CNTNAP2: variants seen among roughly 807,000 people sequenced by gnomAD.
The protein encoded by CNTNAP2 is contactin-associated protein-like 2.
A neutral mutation model predicts 155.2 loss-of-function variants in CNTNAP2; 98 were observed. The ratio of observed to expected loss-of-function variants is 0.63; its 90% CI spans 0.54 to 0.75. The LOEUF is 0.75. Ranked by LOEUF, CNTNAP2 falls within the 30% of genes least tolerant of loss-of-function variation. The pLI is 0.00. For synonymous variants in CNTNAP2, 651 were observed against 631.2 expected, an observed-to-expected ratio of 1.03 and a Z score of -0.47; for missense variants, 1,727 against 1,688.1, an observed-to-expected ratio of 1.02 and a Z score of -0.40.
intron 12 of CNTNAP2, among the ~76,000 whole-genome samples, chr7:147,569,203 A>G (rs1800234531): frequency 6.6e-6 from 1 of 152,188 alleles, no homozygotes; most frequent in African/African-American, 2.4e-5. Context: ...GAGAGCTTGT[A>G]ACGGAAGTTT....
intron 8 of CNTNAP2, among the ~76,000 whole-genome samples, chr7:147,143,593 A>G (rs1801643440): frequency 6.6e-6 from 1 of 152,134 alleles, no homozygotes. Flanking sequence ...TACTGATACC[A>G]AGATGTTATA....
intron 1 of CNTNAP2, among the ~76,000 whole-genome samples, chr7:146,621,039 A>G (rs545265954): frequency 6.6e-6 from 1 of 152,240 alleles, no homozygotes; most frequent in South Asian, 2.1e-4. Flanking sequence ...TTGAACCGGG[A>G]CATATCCATA....
At chr7:146,651,042 A>G (rs139644732) in intron 1 of CNTNAP2, among the ~76,000 whole-genome samples, 154 of 152,138 alleles carry the variant, frequency 1.0e-3, no homozygotes, top group African/African-American at 3.6e-3. Context: ...TTAAAGAACA[A>G]CTAGATTCTC....
In CNTNAP2 at chr7:148,261,887, T is replaced by A. The variant is rs1796569907; in HGVS notation, c.3382-5146T>A. Among the ~76,000 whole-genome samples the A allele has an allele frequency of 2.0e-5, 3 of 152,142 alleles. No homozygotes were observed. The South Asian group carries it at 6.2e-4, about 31-fold the overall frequency. ...CCCCTCCTCGAGCCTGTGCTGGAAA[T>A]TGCAGTAAGCCCCTTCCTCTTGCAG... On this transcript the variant is annotated intron_variant, in intron 20 of 23. Transcript: ENST00000361727.
chr7:147,800,038 A>C (rs184040263), intron 13 of CNTNAP2, among the ~76,000 whole-genome samples: 1 of 152,338 alleles, frequency 6.6e-6, no homozygotes, highest in Admixed American at 6.5e-5. Context: ...TCTTCACACA[A>C]TAAATATATA....
At chr7:147,172,842 A>G (rs1469182084) in intron 8 of CNTNAP2, among the ~76,000 whole-genome samples, 1 of 152,180 alleles carries the variant, frequency 6.6e-6, no homozygotes, top group Non-Finnish European at 1.5e-5. Flanking sequence ...CCTAGTCTTG[A>G]CTACAAGGGC....
At chr7:147,830,857 A>C (rs777799972) in intron 13 of CNTNAP2, among the ~76,000 whole-genome samples, 1 of 152,234 alleles carries the variant, frequency 6.6e-6, no homozygotes, top group African/African-American at 2.4e-5. Context: ...GGTTATGAGT[A>C]AGCATGGTGA....
At chr7:148,382,279 AC>A (rs1799082057) in intron 21 of CNTNAP2, among the ~76,000 whole-genome samples, 1 of 152,118 alleles carries the variant, frequency 6.6e-6, no homozygotes, top group African/African-American at 2.4e-5. Context: ...CACCATCGGA[AC>A]CCCGTGCCCC....
chr7:146,445,676 C>G (rs1391656971), intron 1 of CNTNAP2, among the ~76,000 whole-genome samples: 1 of 152,110 alleles, frequency 6.6e-6, no homozygotes, highest in African/African-American at 2.4e-5. Flanking sequence ...CAATATCCTA[C>G]TTTTATTTTA....
intron 13 of CNTNAP2, among the ~76,000 whole-genome samples, chr7:147,642,571 A>G (rs183682816): frequency 6.9e-4 from 105 of 152,208 alleles, no homozygotes; most frequent in Middle Eastern, 3.4e-3. Flanking sequence ...ATCAGGAAAA[A>G]TGGGATAAAC....
intron 20 of CNTNAP2, among the ~76,000 whole-genome samples, chr7:148,254,357 T>A (rs1331368352): frequency 1.3e-5 from 2 of 152,124 alleles, no homozygotes; most frequent in African/African-American, 4.8e-5. Context: ...CCCGAAAACG[T>A]GCTCAACAAT....
At chr7:147,137,913 A>ATAGATAGG (rs1429334320) in intron 8 of CNTNAP2, among the ~76,000 whole-genome samples, 10 of 110,992 alleles carry the variant, frequency 9.0e-5, no homozygotes, top group Admixed American at 2.7e-4. Context: ...AGATAGATAG[A>ATAGATAGG]TAGGTAGATA....
intron 10 of CNTNAP2, among the ~76,000 whole-genome samples, chr7:147,431,008 C>T (rs1797457233): frequency 6.6e-6 from 1 of 151,306 alleles, no homozygotes; most frequent in South Asian, 2.1e-4. Flanking sequence ...AGATCACGCC[C>T]CTCCTGCACT....
chr7:147,951,581 A>G (rs1169996437), intron 14 of CNTNAP2, among the ~76,000 whole-genome samples: 1 of 152,240 alleles, frequency 6.6e-6, no homozygotes, highest in Non-Finnish European at 1.5e-5. Flanking sequence ...AAGCAGCTGA[A>G]TTCAAAATAA....
At position 148,010,231 on chromosome 7, in the gene CNTNAP2, A is replaced by AAT; in HGVS notation, c.2383+32249_2383+32250dup. 2.0e-5 allele frequency among the ~76,000 whole-genome samples: 3 copies of AAT among 151,598 alleles called. No homozygotes were observed. The East Asian group carries it at 5.8e-4, about 29-fold the overall frequency. On this transcript the variant is annotated intron_variant, in intron 15 of 23. Coordinates refer to ENST00000361727, the MANE Select transcript of CNTNAP2 (RefSeq NM_014141.6). ...ATCTGTATCTTTTGATAATTATATTAATATATATTATTTACATAAACCAAA... is the reference window on the plus strand; with the variant it reads ...ATCTGTATCTTTTGATAATTATATTAATATATATATTATTTACATAAACCAAA...
chr7:147,873,791 C>T lies in CNTNAP2; in HGVS notation c.2099-29774C>T, dbSNP rs561892308. Among the ~76,000 whole-genome samples, 9 of 152,302 alleles carry T rather than the reference C, an allele frequency of 5.9e-5. No individual in the cohort carries two copies. In the South Asian group the frequency reaches 1.7e-3, roughly 28 times the overall value. ...TCATCCGAGACAAGGCAAGTCCCTT[C>T]TGCCTATGAGCCTGTAAAATCAAAA... On this transcript the variant is annotated intron_variant, in intron 13 of 23. Transcript: ENST00000361727.
intron 1 of CNTNAP2, among the ~76,000 whole-genome samples, chr7:146,622,077 A>G (rs1262478238): frequency 6.6e-6 from 1 of 151,868 alleles, no homozygotes; most frequent in East Asian, 1.9e-4. Flanking sequence ...GAGTTTTTGA[A>G]AAGCATTTCT....
intron 8 of CNTNAP2, among the ~76,000 whole-genome samples, chr7:147,248,663 A>G (rs1804119935): frequency 6.6e-6 from 1 of 152,230 alleles, no homozygotes; most frequent in African/African-American, 2.4e-5. Flanking sequence ...TAAAGTGACA[A>G]GGTGATGATG....
chr7:147,579,418 T>C (rs920566099), intron 12 of CNTNAP2, among the ~76,000 whole-genome samples: 2 of 152,172 alleles, frequency 1.3e-5, no homozygotes, highest in African/African-American at 4.8e-5. Context: ...GAACTTATAA[T>C]GTTATAAGTA....
Sources: allele counts gnomAD v4.1 joint callset (sites outside exome capture counted in the v4.1 genomes callset), GRCh38; gene constraint gnomAD v4.1.1; transcripts MANE v1.5; gene names NCBI Gene and HGNC (gene_info 2026-07-23, HGNC 2026-07-21).